VPS36: variants seen among roughly 807,000 people sequenced by gnomAD.
VPS36 encodes the protein vacuolar protein sorting 36 homolog, also known as vacuolar protein-sorting-associated protein 36.
A neutral mutation model predicts 63.5 loss-of-function variants in VPS36; 31 were observed. That is an observed-to-expected ratio of 0.49 (90% confidence interval 0.37 to 0.66). The LOEUF (loss-of-function observed/expected upper bound fraction) is 0.66. Ranked by LOEUF, VPS36 falls within the 30% of genes least tolerant of loss-of-function variation. The pLI is 0.00. For synonymous variants in VPS36, 138 were observed against 157.2 expected (o/e 0.88, Z 0.91); for missense variants, 338 against 463.7 (o/e 0.73, Z 2.49).
Position 52,413,663 on chromosome 13 carries a change from T to C in VPS36, c.*2167A>G, listed in dbSNP as rs139861420. ...TACCATAAAGCTACAAAGAGGCTCA[T>C]GCTCCTAAGAGCAAAGTTAGGAAAA... On this transcript the variant is annotated 3_prime_UTR_variant, in exon 14 of 14. Coordinates refer to ENST00000378060, the MANE Select transcript of VPS36 (RefSeq NM_016075.4). 2 of 152,554 alleles carry C rather than the reference T, an allele frequency of 1.3e-5. No individual in the cohort carries two copies. The highest frequency in any genetic ancestry group is 2.9e-5 in the Non-Finnish European group (2 of 68,036). 9.5% of individuals were successfully genotyped at this position (152,554 alleles called of 1,614,324 possible). A position where few individuals can be genotyped will look rare whatever the true frequency, so the allele number is the denominator to read the frequency against.
In VPS36 at chr13:52,427,060, C is replaced by T. The variant is rs1958109180; in HGVS notation, c.568G>A (p.Glu190Lys). The T allele has an allele frequency of 6.2e-7, 1 of 1,611,630 alleles. No individual in the cohort carries two copies. Among genetic ancestry groups the T allele is most frequent in the Admixed American group, 1.7e-5 (1 of 59,676 alleles). ...ATTGATTTTGATAATTCCACCATTTCCTTAGCCTGTCAAATAAAAAGTAAA... is the reference window on the plus strand; with the variant it reads ...ATTGATTTTGATAATTCCACCATTTTCTTAGCCTGTCAAATAAAAAGTAAA... ...DLSKLMIKAK[E>K]MVELSKSIAN... The change falls in exon 8 of 14, where the codon GAA becomes AAA. Residue 190 changes from glutamate (E) to lysine (K), a missense_variant. Glu to Lys is a moderately conservative substitution (Grantham distance 56, BLOSUM62 1). Coordinates refer to ENST00000378060, the MANE Select transcript of VPS36 (RefSeq NM_016075.4).
chr13:52,449,386 T>G (rs767968911), intron 1 of VPS36, among the ~76,000 whole-genome samples: 7 of 152,080 alleles, frequency 4.6e-5, no homozygotes, highest in Middle Eastern at 3.2e-3. Flanking sequence ...AGGCAGTAAG[T>G]GAAGTTAGGT....
chr13:52,449,383 A>T (rs1180598160), intron 1 of VPS36, among the ~76,000 whole-genome samples: 1 of 152,230 alleles, frequency 6.6e-6, no homozygotes, highest in Non-Finnish European at 1.5e-5. Context: ...CTAAGGCAGT[A>T]AGTGAAGTTA....
chr13:52,420,574 C>T (rs1177905470), intron 10 of VPS36, among the ~76,000 whole-genome samples: 1 of 151,816 alleles, frequency 6.6e-6, no homozygotes, highest in East Asian at 2.0e-4. Context: ...TTCAGGCGAT[C>T]TGCCTGCCTC....
chr13:52,449,827 TA>T (rs1336676837), intron 1 of VPS36: 11 of 710,540 alleles, frequency 1.5e-5, no homozygotes, highest in Non-Finnish European at 1.9e-5. Context: ...ACTATTAATA[TA>T]ACACTTTACA....
rs1037480527 is a variant in VPS36 at position 52,436,399 on chromosome 13, T to C, written c.242A>G (p.Lys81Arg). 2 of 1,607,714 alleles carry C rather than the reference T, an allele frequency of 1.2e-6. No individual in the cohort carries two copies. The highest frequency in any genetic ancestry group is 1.7e-5 in the Admixed American group (1 of 59,578). ...AGCTGGGTGAAGATGAACCACTATT[T>C]TGGCACTGAAGAAAGAACAAATGTA... ...EQAAGIGKSA[K>R]IVVHLHPAPP... Residue 81 changes from lysine to arginine, a missense_variant, in exon 4 of 14, where the codon AAA (lysine) becomes AGA (arginine). Lys to Arg is a conservative substitution (Grantham distance 26). Transcript: ENST00000378060.
At chr13:52,450,417 AC>A (rs1958390335) in intron 1 of VPS36, 81 bp downstream of exon 1, 2 of 1,424,310 alleles carry the variant, frequency 1.4e-6, no homozygotes, top group Non-Finnish European at 1.8e-6. Flanking sequence ...GGCCGCGCCG[AC>A]CCGGGCCGCG....
chr13:52,417,390 G>A (rs975575602), intron 11 of VPS36, among the ~76,000 whole-genome samples: 6 of 151,826 alleles, frequency 4.0e-5, no homozygotes, highest in Admixed American at 3.9e-4. Flanking sequence ...AAGGAATTTC[G>A]CTCTTGCTGC....
intron 3 of VPS36, among the ~76,000 whole-genome samples, chr13:52,437,659 G>C (rs1429916968): frequency 6.6e-6 from 1 of 152,068 alleles, no homozygotes; most frequent in Non-Finnish European, 1.5e-5. Flanking sequence ...AGCCGGGCGC[G>C]GTGGCTCATG....
intron 1 of VPS36, chr13:52,449,887 A>T (rs1958383185): frequency 2.0e-6 from 2 of 982,560 alleles, no homozygotes; most frequent in Non-Finnish European, 2.4e-6. Context: ...CAAAACAAAA[A>T]CCCAATAGCC....
Position 52,415,801 on chromosome 13 carries a change from G to T in VPS36, c.*29C>A. 6.2e-7 allele frequency: 1 copy of T among 1,604,520 alleles called. No homozygotes were observed. Among genetic ancestry groups the T allele is most frequent in the South Asian group, 1.1e-5 (1 of 90,022 alleles). The stretch of plus-strand genomic sequence containing the variant: ...CAACCTCTACATGACGCAAGCATAT[G>T]GACAAAAAGGATTTTAAATACAAAA... On this transcript the variant is annotated 3_prime_UTR_variant, in exon 14 of 14. Coordinates refer to ENST00000378060, the MANE Select transcript of VPS36 (RefSeq NM_016075.4).
At chr13:52,442,538 C>A in intron 1 of VPS36, 93 bp from the exon 2 acceptor site, 1 of 1,050,540 alleles carries the variant, frequency 9.5e-7, no homozygotes, top group Non-Finnish European at 1.4e-6. Flanking sequence ...CTAAATTAAT[C>A]ATATAAACAA....
rs1465760486 is a variant in VPS36, at chr13:52,442,421, G to A, written c.121C>T (p.Leu41Phe). Residue 41 changes from leucine to phenylalanine, a missense_variant, in exon 2 of 14, where the codon CTT (leucine) becomes TTT (phenylalanine). By Grantham distance (22) the Leu-to-Phe change is conservative. Transcript: ENST00000378060. ...CAAATCAGTCGGTGTGTACTAAGAA[G>A]GAGAGTCCCAGCATCAAATTTTATC... The part of the protein sequence containing the change: ...EKIKFDAGTL[L>F]LSTHRLIWRD... The A allele has an allele frequency of 1.9e-6, 3 of 1,611,992 alleles. No individual in the cohort carries two copies. The highest frequency in any genetic ancestry group is 1.3e-5 in the African/African-American group (1 of 74,826).
chr13:52,449,688 C>T (rs1958379597), intron 1 of VPS36, among the ~76,000 whole-genome samples: 1 of 152,214 alleles, frequency 6.6e-6, no homozygotes, highest in Non-Finnish European at 1.5e-5. Context: ...TTATCCATTT[C>T]AATCCAGGAC....
Position 52,414,676 on chromosome 13 carries a change from C to G in VPS36, c.*1154G>C, listed in dbSNP as rs1192686015. ...TGCTCCCAATACAATACTTTCCCTCCCGCAGGCTTGGCCAAAACCATCACC... is the reference window on the plus strand; with the variant it reads ...TGCTCCCAATACAATACTTTCCCTCGCGCAGGCTTGGCCAAAACCATCACC... On this transcript the variant is annotated 3_prime_UTR_variant, in exon 14 of 14. Transcript: ENST00000378060. The G allele has an allele frequency of 1.3e-5, 2 of 152,252 alleles. No individual in the cohort carries two copies. The highest frequency in any genetic ancestry group is 4.8e-5 in the African/African-American group (2 of 41,456). 9.4% of individuals were successfully genotyped at this position (152,252 alleles called of 1,614,324 possible).
At chr13:52,426,889 T>C in intron 8 of VPS36, 100 bp downstream of exon 8, 3 of 691,306 alleles carry the variant, frequency 4.3e-6, no homozygotes, top group Non-Finnish European at 6.9e-6. Flanking sequence ...ACATAAATAA[T>C]AAATAAAACA....
At chr13:52,425,099 T>G (rs1410188839) in intron 9 of VPS36, among the ~76,000 whole-genome samples, 9 of 150,504 alleles carry the variant, frequency 6.0e-5, no homozygotes, top group African/African-American at 2.0e-4. Flanking sequence ...ATACAAAAAA[T>G]TAGCCGGGCG....
chr13:52,436,218 AAC>A (rs150816705), intron 4 of VPS36, 70 bp downstream of exon 4: 67,972 of 633,718 alleles, frequency 0.11, 823 homozygotes, highest in African/African-American at 0.18. Flanking sequence ...AACAAGCCAC[AAC>A]ACACACACAC....
Position 52,442,448 on chromosome 13 carries a change from AG to A in VPS36, c.97-4del. 6.2e-7 allele frequency: 1 copy of A among 1,609,318 alleles called. No homozygotes were observed. The highest frequency in any genetic ancestry group is 1.7e-4 in the Middle Eastern group (1 of 6,026). ...AGAGTCCCAGCATCAAATTTTATCT[AG>A]AAAGAAAGAGCATCACAAAATATTA... On this transcript the variant is annotated splice_polypyrimidine_tract_variant and splice_region_variant and intron_variant, in intron 1 of 13. Transcript: ENST00000378060.
Sources: allele counts gnomAD v4.1 joint callset (sites outside exome capture counted in the v4.1 genomes callset), GRCh38; gene constraint gnomAD v4.1.1; transcripts MANE v1.5; gene names NCBI Gene and HGNC (gene_info 2026-07-23, HGNC 2026-07-21).